The following GRIN2B variants were observed in gnomAD, a reference collection of about 807,000 sequenced individuals.
GRIN2B encodes glutamate receptor ionotropic, NMDA 2B.
Under a neutral mutation model 114.5 loss-of-function variants are expected in GRIN2B, and 5 were observed. The ratio of observed to expected loss-of-function variants is 0.04; its 90% CI spans 0.02 to 0.09. The LOEUF is 0.09. GRIN2B is among the 10% of genes least tolerant of loss of function. The probability of loss-of-function intolerance (pLI) is 1.00; values close to 1 mark genes in which losing one functional copy is unlikely to be tolerated. For missense variants in GRIN2B, 1,108 were observed against 1,943.5 expected (o/e 0.57, Z 8.08); for synonymous variants, 787 against 745.1 (o/e 1.06, Z -0.92).
chr12:13,694,647 A>C (rs954761950), intron 4 of GRIN2B, among the ~76,000 whole-genome samples: 2 of 121,254 alleles, frequency 1.6e-5, no homozygotes, highest in African/African-American at 3.1e-5. Context: ...CTATTGTGCA[A>C]GAAAATGTCA....
chr12:13,857,399 ACT>A (rs1555148369), intron 3 of GRIN2B, among the ~76,000 whole-genome samples: 1 of 150,070 alleles, frequency 6.7e-6, no homozygotes, highest in South Asian at 2.1e-4. Flanking sequence ...ACACACACAC[ACT>A]CTCACACACA....
At chr12:13,610,141 G>C (rs10734870) in intron 9 of GRIN2B, 151,373 of 152,350 alleles carry the variant, frequency 0.99, 75,206 homozygotes, top group Middle Eastern at 1. Flanking sequence ...AACCTGATAT[G>C]TAACTGTGCA....
chr12:13,605,282 G>A (rs577017878), intron 10 of GRIN2B, among the ~76,000 whole-genome samples: 9 of 152,222 alleles, frequency 5.9e-5, no homozygotes, highest in African/African-American at 2.2e-4. Context: ...TCCCAGATGA[G>A]CTAGGGAAAG....
intron 2 of GRIN2B, among the ~76,000 whole-genome samples, chr12:13,877,527 C>A (rs1222013177): frequency 6.6e-6 from 1 of 152,170 alleles, no homozygotes; most frequent in Non-Finnish European, 1.5e-5. Context: ...TAAGTTGAAG[C>A]TTTACTCTTT....
intron 5 of GRIN2B, among the ~76,000 whole-genome samples, chr12:13,671,602 C>T (rs1225061732): frequency 1.3e-5 from 2 of 152,136 alleles, no homozygotes; most frequent in Non-Finnish European, 1.5e-5. Flanking sequence ...CAATTCCCCC[C>T]AAGTCCTTCC....
intron 2 of GRIN2B, among the ~76,000 whole-genome samples, chr12:13,955,586 T>C (rs376962766): frequency 1.3e-5 from 2 of 152,220 alleles, no homozygotes; most frequent in African/African-American, 2.4e-5. Context: ...GTCCTTATTC[T>C]ACTCAGCTAA....
At chr12:13,651,453 G>C (rs550162941) in intron 5 of GRIN2B, among the ~76,000 whole-genome samples, 1 of 152,188 alleles carries the variant, frequency 6.6e-6, no homozygotes, top group East Asian at 1.9e-4. Flanking sequence ...AAATATCTCA[G>C]TGTAAACTTT....
chr12:13,729,982 TA>T (rs1381764751), intron 4 of GRIN2B, among the ~76,000 whole-genome samples: 144 of 120,756 alleles, frequency 1.2e-3, no homozygotes, highest in African/African-American at 4.7e-3. Context: ...AATATACACC[TA>T]TTTTTTTTTT....
rs1948460479 is a variant in GRIN2B at position 13,554,934 on chromosome 12, T to G, written c.*7849A>C. 1 of 152,154 alleles carries G rather than the reference T, an allele frequency of 6.6e-6. No individual in the cohort carries two copies. The highest frequency in any genetic ancestry group is 1.5e-5 in the Non-Finnish European group (1 of 68,046). 9.4% of individuals were successfully genotyped at this position (152,154 alleles called of 1,614,324 possible). On this transcript the variant is annotated 3_prime_UTR_variant, in exon 14 of 14. Coordinates refer to ENST00000609686, the MANE Select transcript of GRIN2B (RefSeq NM_000834.5). ...TGGTTTGCAGCAATGGTTTTGGATA[T>G]TTGAGTCAAGATGAAGTTGAGTGTT... is the stretch of plus-strand genomic sequence containing the variant.
In GRIN2B at chr12:13,539,571, G is replaced by A. The variant is rs991512297; in HGVS notation, c.*23212C>T. ...GGGTGGGAAACAATCAGCAAAACAA[G>A]GGCTGGTTTGCTTTTCTGACACCTC... On this transcript the variant is annotated 3_prime_UTR_variant, in exon 14 of 14. Coordinates refer to ENST00000609686, the MANE Select transcript of GRIN2B (RefSeq NM_000834.5). 5 of 152,102 alleles carry A rather than the reference G, an allele frequency of 3.3e-5. No homozygotes were observed. The highest frequency in any genetic ancestry group is 1.2e-4 in the African/African-American group (5 of 41,404). The allele number at this position is 152,102 out of a possible 1,614,324, so 9.4% of individuals were successfully genotyped here.
chr12:13,919,743 G>C (rs1356814773), intron 2 of GRIN2B, among the ~76,000 whole-genome samples: 1 of 152,092 alleles, frequency 6.6e-6, no homozygotes, highest in East Asian at 1.9e-4. Flanking sequence ...AAAATTGGAA[G>C]CTGATGCGGG....
intron 2 of GRIN2B, among the ~76,000 whole-genome samples, chr12:13,901,770 T>C (rs1045886825): frequency 6.6e-6 from 1 of 152,252 alleles, no homozygotes; most frequent in African/African-American, 2.4e-5. Context: ...CTTTTATTTT[T>C]AGAAGTATTT....
chr12:13,691,898 T>C (rs898398075), intron 4 of GRIN2B, among the ~76,000 whole-genome samples: 1 of 152,136 alleles, frequency 6.6e-6, no homozygotes, highest in Non-Finnish European at 1.5e-5. Flanking sequence ...AAAAACCACC[T>C]AGAGGAGATG....
chr12:13,597,181 G>C (rs1949084337), intron 10 of GRIN2B, among the ~76,000 whole-genome samples: 1 of 152,186 alleles, frequency 6.6e-6, no homozygotes, highest in Admixed American at 6.5e-5. Context: ...TAAAAGTAGT[G>C]AGGCAGGAGA....
chr12:13,970,729 A>G (rs931215824), intron 2 of GRIN2B, among the ~76,000 whole-genome samples: 14 of 149,480 alleles, frequency 9.4e-5, no homozygotes, highest in African/African-American at 3.4e-4. Flanking sequence ...ACACACATCC[A>G]GTATTTCTTT....
chr12:13,899,261 C>T (rs1310417870), intron 2 of GRIN2B, among the ~76,000 whole-genome samples: 2 of 151,214 alleles, frequency 1.3e-5, no homozygotes, highest in East Asian at 3.9e-4. Flanking sequence ...CAAAAACAAA[C>T]AAACGAAAGA....
chr12:13,643,134 G>C (rs1402385959), intron 5 of GRIN2B, among the ~76,000 whole-genome samples: 1 of 152,040 alleles, frequency 6.6e-6, no homozygotes, highest in African/African-American at 2.4e-5. Flanking sequence ...ATTTTCTTTA[G>C]GAAATATATA....
intron 2 of GRIN2B, among the ~76,000 whole-genome samples, chr12:13,976,262 G>A (rs565486523): frequency 7.4e-4 from 112 of 152,296 alleles, no homozygotes; most frequent in African/African-American, 2.6e-3. Context: ...TAATAAATGC[G>A]AACAATTCAT....
rs1371955905 is a variant in GRIN2B, at chr12:13,543,845, T to C, written c.*18938A>G. On this transcript the variant is annotated 3_prime_UTR_variant, in exon 14 of 14. Transcript: ENST00000609686. ...TCCCATTTACCAGCCCACTTGCATC[T>C]GTGCCCAAATGCACTATCTCCCTGC... The C allele has an allele frequency of 1.3e-5, 2 of 152,222 alleles. No individual in the cohort carries two copies. The highest frequency in any genetic ancestry group is 1.9e-4 in the East Asian group (1 of 5,194). 9.4% of individuals were successfully genotyped at this position (152,222 alleles called of 1,614,324 possible).
Sources: gnomAD v4.1 joint callset for allele counts (sites outside exome capture counted in the v4.1 genomes callset) on GRCh38, gnomAD v4.1.1 for gene constraint, MANE v1.5 for transcripts, NCBI Gene and HGNC (gene_info 2026-07-23, HGNC 2026-07-21) for gene names.